CA14: variants seen among roughly 807,000 people sequenced by gnomAD.
CA14 encodes the protein CA-XIV.
In CA14, 44 loss-of-function variants were observed where a neutral mutation model predicts 48.8. The observed-to-expected ratio is 0.90, with a 90% confidence interval of 0.71 to 1.16. The LOEUF (loss-of-function observed/expected upper bound fraction) is 1.16. CA14 is among the 50% of genes most tolerant of loss of function. The pLI, the probability that CA14 is intolerant of heterozygous loss-of-function variation, is 0.00. For synonymous variants in CA14, 154 were observed against 155.0 expected, an observed-to-expected ratio of 0.99 and a Z score of 0.05; for missense variants, 386 against 401.0, an observed-to-expected ratio of 0.96 and a Z score of 0.32.
intron 10 of CA14, 27 bp downstream of exon 10, chr1:150,263,905 G>A (rs782471575): frequency 3.8e-6 from 5 of 1,305,698 alleles, no homozygotes; most frequent in Non-Finnish European, 5.4e-6. Flanking sequence ...CATTCCTCCA[G>A]TCCCTTCTTC....
In CA14 at chr1:150,263,179, T is replaced by C. The variant is rs199956011; in HGVS notation, c.700T>C (p.Ser234Pro). Residue 234 changes from serine to proline, a missense_variant, in exon 7 of 11, where the codon TCC becomes CCC. Coordinates refer to ENST00000369111, the MANE Select transcript of CA14 (RefSeq NM_012113.3). The part of the protein sequence containing the change: ...SVLWTVFYRR[S>P]QISMEQLEKL... Reference sequence around the variant, plus strand: ...GCTCTGGACAGTTTTTTATAGAAGGTCCCAGATTTCAATGGAACAGGTAAG... The same window carrying C: ...GCTCTGGACAGTTTTTTATAGAAGGCCCCAGATTTCAATGGAACAGGTAAG... The C allele has an allele frequency of 6.2e-7, 1 of 1,614,004 alleles. No homozygotes were observed. The highest frequency in any genetic ancestry group is 1.3e-5 in the African/African-American group (1 of 74,976).
intron 1 of CA14, 81 bp downstream of exon 1, chr1:150,258,264 G>A: frequency 8.3e-7 from 1 of 1,198,760 alleles, no homozygotes. Context: ...GGGAGGAGAG[G>A]TGTGAAAGGA....
chr1:150,258,328 G>T, intron 1 of CA14, 145 bp downstream of exon 1: 1 of 554,424 alleles, frequency 1.8e-6, no homozygotes, highest in East Asian at 3.2e-5. Context: ...AGTGGGGTGT[G>T]GAGGAGACCA....
intron 1 of CA14, 103 bp from the exon 2 acceptor site, chr1:150,260,048 G>A (rs782640779): frequency 4.6e-6 from 5 of 1,096,360 alleles, no homozygotes; most frequent in Admixed American, 1.9e-5. Context: ...AGACTGCAGA[G>A]AGGGAGGTGG....
Position 150,264,620 on chromosome 1 carries a change from T to G in CA14, c.975T>G (p.Ser325Arg), listed in dbSNP as rs149477256. The G allele has an allele frequency of 1.5e-5, 24 of 1,612,416 alleles. No homozygotes were observed. Among genetic ancestry groups the G allele is most frequent in the Non-Finnish European group, 2.0e-5 (23 of 1,178,910 alleles). Reference sequence around the variant, plus strand: ...AGAAGAGGCTGGAAAACCGAAAGAGTGTGGTCTTCACCTCAGCACAAGCCA... The same window carrying G: ...AGAAGAGGCTGGAAAACCGAAAGAGGGTGGTCTTCACCTCAGCACAAGCCA... ...IRKKRLENRK[S>R]VVFTSAQATT... The change falls in exon 11 of 11, where the codon AGT becomes AGG. Residue 325 changes from serine (S) to arginine (R), a missense_variant. Ser to Arg is a moderately radical substitution (Grantham distance 110). Coordinates refer to ENST00000369111, the MANE Select transcript of CA14 (RefSeq NM_012113.3).
intron 1 of CA14, 88 bp from the exon 2 acceptor site, chr1:150,260,063 G>C: frequency 1.5e-6 from 2 of 1,303,546 alleles, no homozygotes; most frequent in Non-Finnish European, 2.2e-6. Context: ...AGGTGGAGCA[G>C]TACAGAATGC....
chr1:150,264,079 T>A (rs1057101841), intron 10 of CA14, among the ~76,000 whole-genome samples: 5 of 150,646 alleles, frequency 3.3e-5, no homozygotes, highest in Admixed American at 6.6e-5. Flanking sequence ...GCACGCACCA[T>A]CACACCCAGC....
chr1:150,264,723 A>C lies in CA14; in HGVS notation c.*64A>C. ...TCATGCCTATCAGGAAGCCTCTAAA[A>C]TGGGGTGTAGGATCTGGCCAGAAAC... On this transcript the variant is annotated 3_prime_UTR_variant, in exon 11 of 11. Coordinates refer to ENST00000369111, the MANE Select transcript of CA14 (RefSeq NM_012113.3). 2.3e-6 allele frequency: 3 copies of C among 1,298,582 alleles called. No individual in the cohort carries two copies. The highest frequency in any genetic ancestry group is 3.3e-6 in the Non-Finnish European group (3 of 906,272). 80.4% of individuals were successfully genotyped at this position (1,298,582 alleles called of 1,614,324 possible). A position where few individuals can be genotyped will look rare whatever the true frequency, so the allele number is the denominator to read the frequency against.
At position 150,263,041 on chromosome 1, in the gene CA14, G is replaced by T; in HGVS notation, c.563-1G>T. ...GATGAGTCCCAGTCTGTTCTCCCCA[G>T]ATCAGAAGACCTCAGTGCCTCCCTT... is the stretch of plus-strand genomic sequence containing the variant. On this transcript the variant is annotated splice_acceptor_variant, in intron 6 of 10. Coordinates refer to ENST00000369111, the MANE Select transcript of CA14 (RefSeq NM_012113.3). LOFTEE classifies it high-confidence loss of function. The T allele has an allele frequency of 1.2e-6, 2 of 1,614,044 alleles. No homozygotes were observed. Among genetic ancestry groups the T allele is most frequent in the East Asian group, 2.2e-5 (1 of 44,876 alleles).
chr1:150,260,751 G>GATTTTTTTTTTTTTT lies in CA14; in HGVS notation c.76+580_76+581insATTTTTTTTTTTTTT, dbSNP rs1168655049. The stretch of plus-strand genomic sequence containing the variant: ...CCTCCAGGAGACCGTATCTCTCTAG[G>GATTTTTTTTTTTTTT]TTATTTTTTTTTTTTTTTTTTTTTT... On this transcript the variant is annotated intron_variant, in intron 2 of 10. Coordinates refer to ENST00000369111, the MANE Select transcript of CA14 (RefSeq NM_012113.3). 10 of 104,848 alleles carry GATTTTTTTTTTTTTT rather than the reference G, an allele frequency of 9.5e-5. 4 individuals carry two copies. The highest frequency in any genetic ancestry group is 1.4e-4 in the Non-Finnish European group (8 of 55,278). The allele number at this position is 104,848 out of a possible 1,614,324, so 6.5% of individuals were successfully genotyped here.
intron 2 of CA14, chr1:150,260,654 C>T (rs1298192007): frequency 2.4e-5 from 6 of 255,082 alleles, no homozygotes; most frequent in African/African-American, 6.9e-5. Context: ...TCATGATAAA[C>T]GGTCAGTGTG....
intron 3 of CA14, 24 bp from the exon 4 acceptor site, chr1:150,262,133 TC>T: frequency 6.2e-7 from 1 of 1,614,024 alleles, no homozygotes; most frequent in African/African-American, 1.3e-5. Context: ...CCTCCACCAA[TC>T]CGAGTTTGCT....
At position 150,261,505 on chromosome 1, in the gene CA14, A is replaced by G. The variant is rs1284596455; in HGVS notation, c.123A>G (p.Gly41=). Residue 41 remains glycine (G), a synonymous_variant, in exon 3 of 11, where the codon GGA becomes GGG. Coordinates refer to ENST00000369111, the MANE Select transcript of CA14 (RefSeq NM_012113.3). ...GGCCAGCCTCTTACCCTGAGTGTGG[A>G]AACAATGCCCAGTCGCCCATCGATA... ...DHWPASYPEC[G]NNAQSPIDIQ... 1 of 1,614,072 alleles carries G rather than the reference A, an allele frequency of 6.2e-7. No individual in the cohort carries two copies. Among genetic ancestry groups the G allele is most frequent in the Non-Finnish European group, 8.5e-7 (1 of 1,180,040 alleles).
intron 2 of CA14, chr1:150,261,110 C>A: frequency 4.1e-6 from 1 of 246,892 alleles, no homozygotes; most frequent in Non-Finnish European, 7.9e-6. Context: ...CTCTCTAATC[C>A]CATCTCTCAG....
chr1:150,263,772 C>A (rs1553848627), intron 9 of CA14, 22 bp from the exon 10 acceptor site: 1 of 1,611,720 alleles, frequency 6.2e-7, no homozygotes, highest in Admixed American at 1.7e-5. Flanking sequence ...AGGCTGACAC[C>A]TTTTACCTTT....
intron 10 of CA14, among the ~76,000 whole-genome samples, 171 bp from the exon 11 acceptor site, chr1:150,264,422 C>T (rs1159557927): frequency 1.3e-5 from 2 of 152,136 alleles, no homozygotes; most frequent in African/African-American, 4.8e-5. Flanking sequence ...AGGCTGGTCT[C>T]CAACTCCTGA....
At chr1:150,259,676 C>G (rs1650829326) in intron 1 of CA14, among the ~76,000 whole-genome samples, 1 of 151,910 alleles carries the variant, frequency 6.6e-6, no homozygotes, top group African/African-American at 2.4e-5. Context: ...AAGGAATAAT[C>G]TCCCCTTCTC....
intron 3 of CA14, 122 bp downstream of exon 3, chr1:150,261,760 A>C: frequency 1.2e-6 from 1 of 855,998 alleles, no homozygotes; most frequent in Non-Finnish European, 1.8e-6. Flanking sequence ...TGCCGCCCTC[A>C]AATCTTGTCA....
Position 150,262,257 on chromosome 1 carries a change from G to A in CA14, c.356G>A (p.Gly119Glu), listed in dbSNP as rs1553848032. Reference sequence around the variant, plus strand: ...CACTGGGGTCAGAAAGGATCCCCAGGGGGGTCAGAACACCAGATCAACAGT... The same window carrying A: ...CACTGGGGTCAGAAAGGATCCCCAGAGGGGTCAGAACACCAGATCAACAGT... ...HLHWGQKGSP[G>E]GSEHQINSEA... Residue 119 changes from glycine (G) to glutamate (E), a missense_variant, in exon 4 of 11, where the codon GGG (glycine) becomes GAG (glutamate). Coordinates refer to ENST00000369111, the MANE Select transcript of CA14 (RefSeq NM_012113.3). The A allele has an allele frequency of 1.9e-6, 3 of 1,611,858 alleles. No homozygotes were observed. Among genetic ancestry groups the A allele is most frequent in the Non-Finnish European group, 2.5e-6 (3 of 1,178,922 alleles).
Sources: gnomAD v4.1 joint callset for allele counts (sites outside exome capture counted in the v4.1 genomes callset) on GRCh38, gnomAD v4.1.1 for gene constraint, MANE v1.5 for transcripts, NCBI Gene and HGNC (gene_info 2026-07-23, HGNC 2026-07-21) for gene names.